Variants in ZMYM1 observed in about 807,000 individuals in gnomAD.
ZMYM1 encodes the protein zinc finger MYM-type containing 1.
Under a neutral mutation model 60.0 loss-of-function variants are expected in ZMYM1, and 39 were observed. That is an observed-to-expected ratio of 0.65 (90% CI 0.50 to 0.85). ZMYM1 has a LOEUF of 0.85. Ranked by LOEUF, ZMYM1 falls within the 40% of genes least tolerant of loss-of-function variation. The pLI, the probability that ZMYM1 is intolerant of heterozygous loss-of-function variation, is 0.00. For missense variants in ZMYM1, 1,171 were observed against 1,309.5 expected (o/e 0.89, Z 1.63); for synonymous variants, 413 against 454.0 (o/e 0.91, Z 1.15).
chr1:35,106,415 C>T (rs1338238118), intron 6 of ZMYM1, among the ~76,000 whole-genome samples: 1 of 152,018 alleles, frequency 6.6e-6, no homozygotes, highest in African/African-American at 2.4e-5. Context: ...TGGAGACCAG[C>T]CTGGCCAACA....
At chr1:35,106,297 C>G (rs1439367246) in intron 6 of ZMYM1, among the ~76,000 whole-genome samples, 5 of 151,998 alleles carry the variant, frequency 3.3e-5, no homozygotes, top group Non-Finnish European at 7.4e-5. Flanking sequence ...AACTCTATCC[C>G]TATACAGACT....
In ZMYM1 at chr1:35,112,125, G is replaced by C; in HGVS notation, c.1141G>C (p.Val381Leu). Residue 381 changes from valine (V) to leucine (L), a missense_variant, in exon 9 of 10, where the codon GTG (valine) becomes CTG (leucine). Val to Leu is a conservative substitution (Grantham distance 32). Transcript: ENST00000359858. ...AGTAACAGCAACAGCAGATGTCATT[G>C]TGGATGTAAGTTTTAACTTTTTTTA... ...SSVTATADVI[V>L]DLSKSSPSEP... 1 of 1,613,346 alleles carries C rather than the reference G, an allele frequency of 6.2e-7. No individual in the cohort carries two copies. Among genetic ancestry groups the C allele is most frequent in the Admixed American group, 1.7e-5 (1 of 59,924 alleles).
At chr1:35,103,461 T>C (rs1643761002) in intron 4 of ZMYM1, among the ~76,000 whole-genome samples, 1 of 152,248 alleles carries the variant, frequency 6.6e-6, no homozygotes, top group South Asian at 2.1e-4. Flanking sequence ...TTTGTCCATG[T>C]TGTAACATGT....
At chr1:35,066,581 T>C (rs566316539) in intron 1 of ZMYM1, among the ~76,000 whole-genome samples, 1 of 152,182 alleles carries the variant, frequency 6.6e-6, no homozygotes, top group Non-Finnish European at 1.5e-5. Context: ...ATGTTCTGTG[T>C]TGTATGCTGA....
chr1:35,076,808 G>A (rs930392840), upstream of ZMYM1, among the ~76,000 whole-genome samples: 2 of 151,468 alleles, frequency 1.3e-5, no homozygotes, highest in Non-Finnish European at 2.9e-5. Flanking sequence ...GGGGCACTCC[G>A]GTAGTCCCAG....
chr1:35,101,878 C>A (rs559783345), intron 4 of ZMYM1, among the ~76,000 whole-genome samples: 29 of 152,226 alleles, frequency 1.9e-4, no homozygotes, highest in African/African-American at 6.7e-4. Context: ...TGGCTGTTCT[C>A]AAACTTTCTG....
intron 1 of ZMYM1, among the ~76,000 whole-genome samples, chr1:35,064,562 A>G (rs1641936022): frequency 6.6e-6 from 1 of 152,104 alleles, no homozygotes; most frequent in African/African-American, 2.4e-5. Flanking sequence ...TTATAAAACC[A>G]TAACAAATTT....
chr1:35,087,351 A>G (rs1642712905), intron 1 of ZMYM1, among the ~76,000 whole-genome samples: 1 of 151,874 alleles, frequency 6.6e-6, no homozygotes, highest in Non-Finnish European at 1.5e-5. Context: ...CTATTGTACT[A>G]ATTTTCCAGG....
intron 2 of ZMYM1, 150 bp from the exon 3 acceptor site, chr1:35,095,669 G>A (rs1643272064): frequency 1.9e-6 from 1 of 540,324 alleles, no homozygotes; most frequent in African/African-American, 2.0e-5. Context: ...GCACCAAAAG[G>A]GTAGTGCATA....
At chr1:35,061,469 T>C (rs1235237422) in intron 1 of ZMYM1, among the ~76,000 whole-genome samples, 2 of 152,114 alleles carry the variant, frequency 1.3e-5, no homozygotes, top group African/African-American at 4.8e-5. Context: ...GATAGATACA[T>C]AGATAGATAG....
In ZMYM1 at chr1:35,114,223, A is replaced by G; in HGVS notation, c.2393A>G (p.Lys798Arg). The change falls in exon 10 of 10, where the codon AAA (lysine) becomes AGA (arginine). Residue 798 changes from lysine (K) to arginine (R), a missense_variant. Coordinates refer to ENST00000359858, the MANE Select transcript of ZMYM1 (RefSeq NM_024772.5). ...AACATTTATAGGCTAAGTCAAAACAAAACATGCAAGAAACATATATCACAA... is the reference window on the plus strand; with the variant it reads ...AACATTTATAGGCTAAGTCAAAACAGAACATGCAAGAAACATATATCACAA... ...FRNIYRLSQN[K>R]TCKKHISQSC... The G allele has an allele frequency of 6.2e-7, 1 of 1,613,618 alleles. No homozygotes were observed.
At chr1:35,091,824 AG>A (rs1420508029) in intron 1 of ZMYM1, among the ~76,000 whole-genome samples, 1 of 125,270 alleles carries the variant, frequency 8.0e-6, no homozygotes, top group East Asian at 2.7e-4. Flanking sequence ...TGATCCCAGG[AG>A]GGTGAGGCTG....
At chr1:35,106,916 A>G (rs1018236004) in intron 6 of ZMYM1, among the ~76,000 whole-genome samples, 1 of 151,484 alleles carries the variant, frequency 6.6e-6, no homozygotes, top group East Asian at 2.0e-4. Context: ...CAGTGGCGCA[A>G]TCTCAGCTCA....
chr1:35,113,100 C>G lies in ZMYM1; in HGVS notation c.1270C>G (p.Gln424Glu), dbSNP rs2148573356. 1 of 1,613,832 alleles carries G rather than the reference C, an allele frequency of 6.2e-7. No individual in the cohort carries two copies. The highest frequency in any genetic ancestry group is 8.5e-7 in the Non-Finnish European group (1 of 1,179,914). Residue 424 changes from glutamine (Q) to glutamate (E), a missense_variant, in exon 10 of 10, where the codon CAA becomes GAA. Transcript: ENST00000359858. Reference sequence around the variant, plus strand: ...TGCAATTGGTTCCAGTACAGAAGTACAAAAAGACAATATGAAATCTATGAA... The same window carrying G: ...TGCAATTGGTTCCAGTACAGAAGTAGAAAAAGACAATATGAAATCTATGAA... Reference protein sequence around the residue: ...QHAIGSSTEVQKDNMKSMKIS... With the variant: ...QHAIGSSTEVEKDNMKSMKIS...
intron 6 of ZMYM1, among the ~76,000 whole-genome samples, chr1:35,106,891 G>C (rs954684538): frequency 2.7e-5 from 4 of 150,900 alleles, no homozygotes; most frequent in Non-Finnish European, 4.4e-5. Flanking sequence ...TCGCTCTGTC[G>C]CCCAGGCTGG....
At position 35,113,240 on chromosome 1, in the gene ZMYM1, T is replaced by C. The variant is rs370935400; in HGVS notation, c.1410T>C (p.Ser470=). The change falls in exon 10 of 10, where the codon AGT becomes AGC. Residue 470 remains serine, a synonymous_variant. Coordinates refer to ENST00000359858, the MANE Select transcript of ZMYM1 (RefSeq NM_024772.5). ...CAGATTTTGAGTGTTTGGAAAACAG[T>C]AAAAAAGATGTGGCATTCTGTTATT... The part of the protein sequence containing the change: ...CCADFECLEN[S]KKDVAFCYSC... 2.8e-5 allele frequency: 45 copies of C among 1,613,052 alleles called. No homozygotes were observed. The highest frequency in any genetic ancestry group is 3.8e-5 in the Non-Finnish European group (45 of 1,179,258).
rs1294212586 is a variant in ZMYM1 at position 35,104,762 on chromosome 1, A to T, written c.800A>T (p.Tyr267Phe). 5 of 1,610,342 alleles carry T rather than the reference A, an allele frequency of 3.1e-6. No individual in the cohort carries two copies. The highest frequency in any genetic ancestry group is 4.5e-5 in the East Asian group (2 of 44,768). Residue 267 changes from tyrosine (Y) to phenylalanine (F), a missense_variant, in exon 6 of 10, where the codon TAT becomes TTT. Physicochemically the swap from Tyr to Phe is conservative, Grantham distance 22. Transcript: ENST00000359858. ...YFNSSKSITA[Y>F]KQKPAKPLIS... Reference sequence around the variant, plus strand: ...AATAGTTCAAAGAGTATTACAGCATATAAGCAGGTATGAATAAAGACCTAT... The same window carrying T: ...AATAGTTCAAAGAGTATTACAGCATTTAAGCAGGTATGAATAAAGACCTAT...
chr1:35,116,323 C>T (rs538659453), downstream of ZMYM1, among the ~76,000 whole-genome samples: 3 of 152,256 alleles, frequency 2.0e-5, no homozygotes, highest in Admixed American at 6.5e-5. Flanking sequence ...CCTGTTTAAA[C>T]GTTAAAATCA....
At position 35,113,284 on chromosome 1, in the gene ZMYM1, A is replaced by G. The variant is rs1176571022; in HGVS notation, c.1454A>G (p.Gln485Arg). The change falls in exon 10 of 10, where the codon CAA becomes CGA. Residue 485 changes from glutamine to arginine, a missense_variant. By Grantham distance (43) the Gln-to-Arg change is conservative. Coordinates refer to ENST00000359858, the MANE Select transcript of ZMYM1 (RefSeq NM_024772.5). ...TGTTATTCATGCCAGTTGTTCTGCC[A>G]AAAATATTTTAGCTGTGGAAGAGAG... ...AFCYSCQLFC[Q>R]KYFSCGRESF... is the part of the protein sequence containing the mutation. 32 of 1,612,450 alleles carry G rather than the reference A, an allele frequency of 2.0e-5. No homozygotes were observed. Among genetic ancestry groups the G allele is most frequent in the Non-Finnish European group, 2.3e-5 (27 of 1,178,746 alleles).
Sources: allele counts gnomAD v4.1 joint callset (sites outside exome capture counted in the v4.1 genomes callset), GRCh38; gene constraint gnomAD v4.1.1; transcripts MANE v1.5; gene names NCBI Gene and HGNC (gene_info 2026-07-23, HGNC 2026-07-21).